RBFOX1: variants seen among roughly 807,000 people sequenced by gnomAD.
RBFOX1 encodes RNA binding fox-1 homolog 1.
In RBFOX1, 8 loss-of-function variants were observed where a neutral mutation model predicts 57.7. That is an observed-to-expected ratio of 0.14 (90% CI 0.08 to 0.25). The LOEUF (loss-of-function observed/expected upper bound fraction) is 0.25. Among genes scored for constraint, RBFOX1 ranks in the 10% least tolerant of loss-of-function variants. RBFOX1 has a pLI of 1.00. For missense variants in RBFOX1, 611 were observed against 548.5 expected, an observed-to-expected ratio of 1.11 and a Z score of -1.14; for synonymous variants, 326 against 222.4, an observed-to-expected ratio of 1.47 and a Z score of -4.15.
intron 3 of RBFOX1, among the ~76,000 whole-genome samples, chr16:5,659,252 A>C (rs532064775): frequency 6.7e-6 from 1 of 148,176 alleles, no homozygotes; most frequent in East Asian, 2.0e-4. Context: ...CATTTCCCTG[A>C]TGATTACTGA....
intron 4 of RBFOX1, among the ~76,000 whole-genome samples, chr16:6,001,958 G>A (rs2060607305): frequency 6.8e-6 from 1 of 146,910 alleles, no homozygotes; most frequent in Non-Finnish European, 1.5e-5. Context: ...ATAATCTATA[G>A]CTCTTAAACC....
intron 12 of RBFOX1, among the ~76,000 whole-genome samples, chr16:7,663,965 C>T (rs1166926545): frequency 5.3e-5 from 8 of 152,184 alleles, no homozygotes; most frequent in Non-Finnish European, 1.2e-4. Flanking sequence ...TAACCCCTGT[C>T]CCCAGCCCTC....
intron 3 of RBFOX1, among the ~76,000 whole-genome samples, chr16:6,935,441 C>G (rs867228313): frequency 1.3e-5 from 2 of 152,160 alleles, no homozygotes; most frequent in African/African-American, 4.8e-5. Flanking sequence ...TCTCTCTCTT[C>G]TTGTCAATTT....
At chr16:6,426,122 C>T (rs926023722) in intron 2 of RBFOX1, among the ~76,000 whole-genome samples, 9 of 152,158 alleles carry the variant, frequency 5.9e-5, no homozygotes, top group African/African-American at 2.2e-4. Flanking sequence ...CATTGTCTCT[C>T]TCTTATTCTC....
chr16:6,466,580 C>G (rs758183384), intron 2 of RBFOX1, among the ~76,000 whole-genome samples: 7 of 152,172 alleles, frequency 4.6e-5, no homozygotes, highest in Non-Finnish European at 1.0e-4. Flanking sequence ...GAGACACCCT[C>G]TCTCCTCTGT....
At chr16:6,828,447 C>T (rs560827601) in intron 3 of RBFOX1, among the ~76,000 whole-genome samples, 1 of 151,874 alleles carries the variant, frequency 6.6e-6, no homozygotes, top group Non-Finnish European at 1.5e-5. Context: ...TCACTTGAAC[C>T]CAGGAGGAAG....
At chr16:5,360,353 C>T (rs530907097) in intron 1 of RBFOX1, among the ~76,000 whole-genome samples, 1 of 152,340 alleles carries the variant, frequency 6.6e-6, no homozygotes, top group African/African-American at 2.4e-5. Flanking sequence ...CGCCAGGCAG[C>T]TCTGCCTATT....
At chr16:5,877,277 T>C (rs927848126) in intron 4 of RBFOX1, among the ~76,000 whole-genome samples, 6 of 152,244 alleles carry the variant, frequency 3.9e-5, no homozygotes, top group African/African-American at 1.2e-4. Context: ...GCATCTCATA[T>C]GTGATAGCCA....
At chr16:7,547,258 G>A (rs528921447) in intron 5 of RBFOX1, among the ~76,000 whole-genome samples, 1 of 152,222 alleles carries the variant, frequency 6.6e-6, no homozygotes, top group Non-Finnish European at 1.5e-5. Flanking sequence ...CAGGCAACCT[G>A]CTAGCTCATA....
intron 4 of RBFOX1, among the ~76,000 whole-genome samples, chr16:5,984,946 T>TTATATATATATATATA (rs61004841): frequency 1.1e-4 from 8 of 69,660 alleles, no homozygotes; most frequent in African/African-American, 5.7e-4. Context: ...GGCAACTCCA[T>TTATATATATATATATA]TATATATATA....
intron 4 of RBFOX1, among the ~76,000 whole-genome samples, chr16:7,099,398 G>T (rs966486664): frequency 6.6e-6 from 1 of 152,090 alleles, no homozygotes; most frequent in African/African-American, 2.4e-5. Context: ...TTAAAATGGG[G>T]CTAATACCAG....
At chr16:7,021,786 C>T (rs184527551) in intron 3 of RBFOX1, among the ~76,000 whole-genome samples, 3 of 150,950 alleles carry the variant, frequency 2.0e-5, no homozygotes, top group African/African-American at 4.8e-5. Flanking sequence ...GTACTATATA[C>T]CAGGCATGCT....
At chr16:5,749,915 G>A (rs145054307) in intron 3 of RBFOX1, among the ~76,000 whole-genome samples, 3 of 152,210 alleles carry the variant, frequency 2.0e-5, no homozygotes, top group Admixed American at 1.3e-4. Context: ...GTGAGGAGCT[G>A]CGTTCCTTTA....
intron 3 of RBFOX1, among the ~76,000 whole-genome samples, chr16:5,612,267 A>G (rs1315021120): frequency 1.4e-5 from 2 of 145,850 alleles, no homozygotes; most frequent in African/African-American, 5.1e-5. Flanking sequence ...CCATCCATCT[A>G]CTCTCCCAGT....
At chr16:6,264,071 TA>T (rs1371654115) in intron 1 of RBFOX1, among the ~76,000 whole-genome samples, 1 of 152,218 alleles carries the variant, frequency 6.6e-6, no homozygotes, top group East Asian at 1.9e-4. Flanking sequence ...GGGGATTCGA[TA>T]ACCTTACTTT....
At chr16:5,456,321 G>C (rs565885950) in intron 1 of RBFOX1, among the ~76,000 whole-genome samples, 29 of 152,128 alleles carry the variant, frequency 1.9e-4, no homozygotes, top group Admixed American at 4.6e-4. Context: ...TGGGTTTTTT[G>C]ACTCATGTAG....
chr16:5,285,577 T>G (rs1485145254), intron 1 of RBFOX1, among the ~76,000 whole-genome samples: 5 of 152,238 alleles, frequency 3.3e-5, no homozygotes, highest in Non-Finnish European at 7.3e-5. Flanking sequence ...TAACCGTCAC[T>G]TCTTCCAATT....
At chr16:6,485,875 C>G (rs2095469521) in intron 2 of RBFOX1, among the ~76,000 whole-genome samples, 1 of 152,108 alleles carries the variant, frequency 6.6e-6, no homozygotes, top group South Asian at 2.1e-4. Flanking sequence ...TCATTTTAAT[C>G]TGTATTTACT....
At chr16:5,337,596 T>A (rs1402654439) in intron 1 of RBFOX1, among the ~76,000 whole-genome samples, 1 of 152,248 alleles carries the variant, frequency 6.6e-6, no homozygotes, top group Non-Finnish European at 1.5e-5. Flanking sequence ...TTTTTAAAAA[T>A]AAATATTGTT....
Sources: gnomAD v4.1 joint callset for allele counts (sites outside exome capture counted in the v4.1 genomes callset) on GRCh38, gnomAD v4.1.1 for gene constraint, MANE v1.5 for transcripts, NCBI Gene and HGNC (gene_info 2026-07-23, HGNC 2026-07-21) for gene names.